The following ANK2 variants were observed in gnomAD, a reference collection of about 807,000 sequenced individuals.
ANK2 encodes ankyrin 2, also known as ankyrin-2.
In ANK2, 83 loss-of-function variants were observed where a neutral mutation model predicts 360.5. That is an observed-to-expected ratio of 0.23 (90% CI 0.19 to 0.28). ANK2 has a LOEUF of 0.28. Among genes scored for constraint, ANK2 ranks in the 10% least tolerant of loss-of-function variants. The probability of loss-of-function intolerance (pLI) is 1.00; values close to 1 mark genes in which losing one functional copy is unlikely to be tolerated. For missense variants in ANK2, 4,201 were observed against 4,795.7 expected (o/e 0.88, Z 3.66); for synonymous variants, 1,740 against 1,759.5 (o/e 0.99, Z 0.28).
chr4:113,067,833 A>G lies in ANK2; in HGVS notation c.84+18021A>G, dbSNP rs73843314. Among the ~76,000 whole-genome samples the G allele has an allele frequency of 3.7e-3, 568 of 152,308 alleles. 9 individuals are homozygous for G. Among genetic ancestry groups the G allele is most frequent in the African/African-American group, 0.013 (541 of 41,570 alleles). ...ATATGTGGCCCCAAGCATGAGTCTA[A>G]AGTTGCTAGTGTTCCAAAACTTCAG... On this transcript the variant is annotated intron_variant, in intron 1 of 45. Transcript: ENST00000357077.
intron 1 of ANK2, among the ~76,000 whole-genome samples, chr4:113,055,690 T>C (rs2069358723): frequency 6.6e-6 from 1 of 152,182 alleles, no homozygotes; most frequent in Admixed American, 6.5e-5. Flanking sequence ...TCTCATTGCA[T>C]ATTATTATCC....
chr4:113,339,680 A>G (rs1427547833), intron 32 of ANK2, among the ~76,000 whole-genome samples: 1 of 152,262 alleles, frequency 6.6e-6, no homozygotes, highest in Non-Finnish European at 1.5e-5. Context: ...CAACAGAATG[A>G]TAACAGCACA....
chr4:112,788,904 T>G, the ANK2 span: 1 of 659,906 alleles, frequency 1.5e-6, no homozygotes, highest in Non-Finnish European at 2.7e-6. Context: ...GAGAGAGTTT[T>G]TTTAATTATT....
chr4:113,354,784 C>G lies in ANK2; in HGVS notation c.6166C>G (p.Leu2056Val). The G allele has an allele frequency of 6.2e-7, 1 of 1,614,010 alleles. No individual in the cohort carries two copies. The highest frequency in any genetic ancestry group is 8.5e-7 in the Non-Finnish European group (1 of 1,179,936). Residue 2056 changes from leucine to valine, a missense_variant, in exon 38 of 46, where the codon CTC (leucine) becomes GTC (valine). Leu to Val is a conservative substitution (Grantham distance 32). Coordinates refer to ENST00000357077, the MANE Select transcript of ANK2 (RefSeq NM_001148.6). ...TCAGACAATCAAACGAGGCCAGAGA[C>G]TCCCGGTAACGGGCACAGCAGAATC... ...ENQTIKRGQR[L>V]PVTGTAESKR... is the part of the protein sequence containing the mutation.
At position 113,369,835 on chromosome 4, in the gene ANK2, AC is replaced by A; in HGVS notation, c.11610+32del. On this transcript the variant is annotated intron_variant, in intron 43 of 45. Transcript: ENST00000357077. ...GACATTCCTCTCCACTTTCTCGCCC[AC>A]CTGTAACAAAGCTACAAATCTTCCA... 1.2e-6 allele frequency: 2 copies of A among 1,613,666 alleles called. 1 individual carries two copies. The highest frequency in any genetic ancestry group is 3.3e-5 in the Admixed American group (2 of 60,018).
chr4:112,980,841 T>A (rs1479566636), intron 2 of ANK2, among the ~76,000 whole-genome samples: 1 of 152,222 alleles, frequency 6.6e-6, no homozygotes, highest in East Asian at 1.9e-4. Context: ...ATAATGGTAA[T>A]GTTCATGTGT....
chr4:113,135,373 T>G (rs893174432), intron 1 of ANK2, among the ~76,000 whole-genome samples: 5 of 151,730 alleles, frequency 3.3e-5, no homozygotes, highest in Admixed American at 3.3e-4. Flanking sequence ...AGGGATCTAG[T>G]GATGGATCCA....
chr4:113,368,427 A>G (rs896002493), intron 42 of ANK2, among the ~76,000 whole-genome samples: 1 of 152,224 alleles, frequency 6.6e-6, no homozygotes, highest in Non-Finnish European at 1.5e-5. Context: ...ATAAAAGACT[A>G]TTAAAATGAG....
At chr4:113,003,702 A>G (rs6833846) in intron 2 of ANK2, among the ~76,000 whole-genome samples, 118,194 of 152,134 alleles carry the variant, frequency 0.78, 46,013 homozygotes, top group South Asian at 0.87. Context: ...ACAGTAAATG[A>G]TAGTGAACTG....
chr4:113,364,595 A>G (rs1193090055), intron 40 of ANK2, among the ~76,000 whole-genome samples: 1 of 152,190 alleles, frequency 6.6e-6, no homozygotes, highest in African/African-American at 2.4e-5. Flanking sequence ...TTACTCATAA[A>G]TAACATCCAG....
At chr4:113,049,276 C>T (rs530100165), upstream of ANK2, among the ~76,000 whole-genome samples, 4 of 152,264 alleles carry the variant, frequency 2.6e-5, no homozygotes, top group South Asian at 6.2e-4. Context: ...TCTTGACTGG[C>T]TAAATGTACC....
intron 2 of ANK2, among the ~76,000 whole-genome samples, chr4:113,020,204 T>C (rs967521495): frequency 6.6e-6 from 1 of 152,162 alleles, no homozygotes; most frequent in Non-Finnish European, 1.5e-5. Flanking sequence ...CTTTTTTTGG[T>C]ATGGGGTCTT....
At chr4:112,829,986 A>T (rs1019153054) in intron 1 of ANK2, among the ~76,000 whole-genome samples, 36 of 152,122 alleles carry the variant, frequency 2.4e-4, no homozygotes, top group Non-Finnish European at 4.6e-4. Context: ...AAATAAAAAA[A>T]AAGTCAAAAA....
the ANK2 span, among the ~76,000 whole-genome samples, chr4:112,781,440 C>T: frequency 6.6e-6 from 1 of 152,078 alleles, no homozygotes; most frequent in Non-Finnish European, 1.5e-5. Context: ...ACTTCCATTT[C>T]CACTGTCAAT....
intron 42 of ANK2, 42 bp from the exon 43 acceptor site, chr4:113,369,472 A>G (rs1157623304): frequency 6.2e-7 from 1 of 1,608,004 alleles, no homozygotes; most frequent in East Asian, 2.2e-5. Context: ...AGGAGGTGAA[A>G]TGCAAATGTC....
intron 23 of ANK2, among the ~76,000 whole-genome samples, chr4:113,309,058 A>T (rs555916670): frequency 1.3e-5 from 2 of 152,342 alleles, no homozygotes; most frequent in African/African-American, 4.8e-5. Context: ...AATTTTTTTC[A>T]AAGTGATTTT....
chr4:112,731,056 C>T, the ANK2 span, among the ~76,000 whole-genome samples: 3,011 of 151,874 alleles, frequency 0.02, 115 homozygotes, highest in African/African-American at 0.069. Context: ...GCAGGAGAAT[C>T]GCTTGAACCC....
chr4:113,231,303 C>T (rs540824914), intron 4 of ANK2, among the ~76,000 whole-genome samples: 42 of 152,192 alleles, frequency 2.8e-4, no homozygotes, highest in African/African-American at 8.7e-4. Context: ...CCACCCACCT[C>T]GACCTCCCAA....
intron 2 of ANK2, among the ~76,000 whole-genome samples, chr4:112,992,569 G>A (rs2047175589): frequency 6.6e-6 from 1 of 152,226 alleles, no homozygotes; most frequent in South Asian, 2.1e-4. Flanking sequence ...GTTCTGGAGA[G>A]TTTGAGTTGT....
Sources: allele counts gnomAD v4.1 joint callset (sites outside exome capture counted in the v4.1 genomes callset), GRCh38; gene constraint gnomAD v4.1.1; transcripts MANE v1.5; gene names NCBI Gene and HGNC (gene_info 2026-07-23, HGNC 2026-07-21).